Variants in OSBPL10 observed in about 807,000 individuals in gnomAD.
The protein encoded by OSBPL10 is oxysterol-binding protein-related protein 10.
In OSBPL10, 49 loss-of-function variants were observed where a neutral mutation model predicts 81.7. The observed-to-expected ratio is 0.60, with a 90% CI of 0.48 to 0.76. OSBPL10 has a LOEUF of 0.76. Ranked by LOEUF, OSBPL10 falls within the 30% of genes least tolerant of loss-of-function variation. The pLI is 0.00. For missense variants in OSBPL10, 923 were observed against 987.8 expected, an observed-to-expected ratio of 0.93 and a Z score of 0.88; for synonymous variants, 419 against 383.6, an observed-to-expected ratio of 1.09 and a Z score of -1.08.
intron 3 of OSBPL10, among the ~76,000 whole-genome samples, chr3:31,836,462 G>A (rs1371707510): frequency 6.6e-6 from 1 of 152,008 alleles, no homozygotes; most frequent in Non-Finnish European, 1.5e-5. Context: ...GCAAATAGTG[G>A]GAAACAAAAC....
chr3:32,029,634 T>G (rs1250468151), intron 2 of OSBPL10, among the ~76,000 whole-genome samples: 3 of 152,194 alleles, frequency 2.0e-5, no homozygotes, highest in African/African-American at 7.2e-5. Flanking sequence ...ATTGATATAC[T>G]TCACTGACCT....
chr3:31,820,328 G>C (rs1699950504), intron 4 of OSBPL10, among the ~76,000 whole-genome samples: 1 of 152,156 alleles, frequency 6.6e-6, no homozygotes, highest in Non-Finnish European at 1.5e-5. Context: ...TGGGCACGGT[G>C]GCTCACGCCT....
rs532069300 is a variant in OSBPL10 at position 31,752,164 on chromosome 3, CAACA to C, written c.730-4048_730-4045del. ...CAACAAAGGAGCAAAGCCCAACCATCAACAAACAGACTCACCTAGATCTCCCAGC... is the reference window on the plus strand; with the variant it reads ...CAACAAAGGAGCAAAGCCCAACCATCAACAGACTCACCTAGATCTCCCAGC... On this transcript the variant is annotated intron_variant, in intron 4 of 11. Transcript: ENST00000396556. Among the ~76,000 whole-genome samples the C allele has an allele frequency of 8.2e-4, 125 of 152,292 alleles. 1 individual carries two copies. The highest frequency in any genetic ancestry group is 2.8e-3 in the African/African-American group (117 of 41,574).
At chr3:31,702,933 T>A (rs947018135) in intron 6 of OSBPL10, among the ~76,000 whole-genome samples, 4 of 152,212 alleles carry the variant, frequency 2.6e-5, no homozygotes. Context: ...AGTTGGATTA[T>A]CCAGGGACTA....
intron 6 of OSBPL10, among the ~76,000 whole-genome samples, chr3:31,724,651 A>T (rs1479391778): frequency 6.6e-6 from 1 of 152,314 alleles, no homozygotes; most frequent in Non-Finnish European, 1.5e-5. Flanking sequence ...AAAAACGAGC[A>T]TAAGCTGAAA....
In OSBPL10 at chr3:31,697,866, G is replaced by A. The variant is rs570514017; in HGVS notation, c.1245+4493C>T. On this transcript the variant is annotated intron_variant, in intron 7 of 11. Coordinates refer to ENST00000396556, the MANE Select transcript of OSBPL10 (RefSeq NM_017784.5). ...CAACCTCCGCCTCCCGAGTTCAAGC[G>A]ATTCTCCTGCCTCAGCCTCCCAAGT... Among the ~76,000 whole-genome samples the A allele has an allele frequency of 5.9e-3, 901 of 151,950 alleles. 13 individuals are homozygous for A. The highest frequency in any genetic ancestry group is 0.02 in the African/African-American group (814 of 41,424).
chr3:31,974,903 G>A (rs992153371), intron 1 of OSBPL10, among the ~76,000 whole-genome samples: 36 of 152,268 alleles, frequency 2.4e-4, no homozygotes, highest in African/African-American at 8.2e-4. Context: ...GACAGATGAC[G>A]TGAAAAGGCA....
chr3:32,067,795 G>T (rs1699791254), intron 1 of OSBPL10, among the ~76,000 whole-genome samples: 1 of 152,114 alleles, frequency 6.6e-6, no homozygotes, highest in South Asian at 2.1e-4. Flanking sequence ...AAACGTATGA[G>T]AACTAATGAT....
chr3:31,783,146 T>TATATATATATATATATATATACACAC (rs1485968747), intron 4 of OSBPL10, among the ~76,000 whole-genome samples: 14 of 112,978 alleles, frequency 1.2e-4, no homozygotes, highest in Admixed American at 1.8e-4. Flanking sequence ...TATATATATA[T>TATATATATATATATATATATACACAC]ACACACACAC....
chr3:31,911,989 T>C (rs1186748416), intron 1 of OSBPL10, among the ~76,000 whole-genome samples: 1 of 152,150 alleles, frequency 6.6e-6, no homozygotes, highest in Admixed American at 6.5e-5. Flanking sequence ...ATTTTGATGG[T>C]TGCAAAACAA....
intron 4 of OSBPL10, among the ~76,000 whole-genome samples, chr3:31,761,634 T>C (rs916240713): frequency 3.3e-5 from 5 of 151,676 alleles, no homozygotes; most frequent in South Asian, 2.1e-4. Context: ...CTGACCAACA[T>C]AGTGAAATCC....
At chr3:31,985,608 G>A (rs931706006), upstream of OSBPL10, among the ~76,000 whole-genome samples, 2 of 152,178 alleles carry the variant, frequency 1.3e-5, no homozygotes, top group Non-Finnish European at 1.5e-5. Flanking sequence ...TCATGGACCA[G>A]CAAGTAAGTG....
intron 7 of OSBPL10, among the ~76,000 whole-genome samples, chr3:31,692,182 T>G (rs974342248): frequency 1.3e-5 from 2 of 152,148 alleles, no homozygotes; most frequent in Non-Finnish European, 2.9e-5. Context: ...AGGAATTCAG[T>G]TGGGAGCAGA....
chr3:31,678,855 A>G (rs1700562771), intron 8 of OSBPL10, among the ~76,000 whole-genome samples: 1 of 149,612 alleles, frequency 6.7e-6, no homozygotes, highest in Admixed American at 6.7e-5. Context: ...AGAAATAAGA[A>G]ACAACTTGCC....
intron 3 of OSBPL10, among the ~76,000 whole-genome samples, chr3:31,874,359 A>G: frequency 6.6e-6 from 1 of 152,272 alleles, no homozygotes; most frequent in East Asian, 1.9e-4. Flanking sequence ...AAAAGCCAAA[A>G]ATAAAAATAC....
At chr3:31,986,998 C>T (rs1001906055) in intron 2 of OSBPL10, among the ~76,000 whole-genome samples, 1 of 151,960 alleles carries the variant, frequency 6.6e-6, no homozygotes, top group African/African-American at 2.4e-5. Flanking sequence ...CAGAGCAAGA[C>T]CCTATCTCAA....
At chr3:31,884,895 A>T (rs1274742755) in intron 1 of OSBPL10, among the ~76,000 whole-genome samples, 1 of 152,222 alleles carries the variant, frequency 6.6e-6, no homozygotes, top group Non-Finnish European at 1.5e-5. Context: ...TATGTTAAAA[A>T]TAACATCAAT....
At chr3:31,823,184 C>A (rs1259670045) in intron 4 of OSBPL10, among the ~76,000 whole-genome samples, 1 of 152,284 alleles carries the variant, frequency 6.6e-6, no homozygotes, top group East Asian at 1.9e-4. Context: ...AACCAATTGC[C>A]AGGTCTCCTC....
At chr3:31,929,990 C>T (rs74389695) in intron 1 of OSBPL10, among the ~76,000 whole-genome samples, 20,806 of 118,264 alleles carry the variant, frequency 0.18, 2,199 homozygotes, top group South Asian at 0.28. Flanking sequence ...TCAAGTGAGA[C>T]CCTGTCACCA....
Sources: gnomAD v4.1 joint callset for allele counts (sites outside exome capture counted in the v4.1 genomes callset) on GRCh38, gnomAD v4.1.1 for gene constraint, MANE v1.5 for transcripts, NCBI Gene and HGNC (gene_info 2026-07-23, HGNC 2026-07-21) for gene names.